HAUS6: variants seen among roughly 807,000 people sequenced by gnomAD.
HAUS6 encodes HAUS augmin-like complex subunit 6.
In HAUS6, 80 loss-of-function variants were observed where a neutral mutation model predicts 106.8. That is an observed-to-expected ratio of 0.75 (90% CI 0.63 to 0.90). The LOEUF is 0.90. Ranked by LOEUF, HAUS6 falls within the 40% of genes least tolerant of loss-of-function variation. The pLI is 0.00. For synonymous variants in HAUS6, 356 were observed against 379.1 expected, an observed-to-expected ratio of 0.94 and a Z score of 0.71; for missense variants, 1,155 against 1,118.1, an observed-to-expected ratio of 1.03 and a Z score of -0.47.
intron 2 of HAUS6, among the ~76,000 whole-genome samples, chr9:19,094,659 G>C (rs1817824017): frequency 6.6e-6 from 1 of 152,066 alleles, no homozygotes; most frequent in African/African-American, 2.4e-5. Context: ...AGGCATAGTG[G>C]TGTGCGCCTA....
chr9:19,093,763 G>T (rs1817804128), intron 3 of HAUS6, among the ~76,000 whole-genome samples: 1 of 152,236 alleles, frequency 6.6e-6, no homozygotes, highest in East Asian at 1.9e-4. Context: ...CAGCTACTCA[G>T]GAGGCTGAGA....
intron 11 of HAUS6, among the ~76,000 whole-genome samples, chr9:19,073,269 CT>C (rs1294685510): frequency 6.6e-6 from 1 of 152,022 alleles, no homozygotes; most frequent in Non-Finnish European, 1.5e-5. Flanking sequence ...ATTCTCTGTA[CT>C]TTTAAATATG....
Position 19,055,156 on chromosome 9 carries a change from T to C in HAUS6, c.*1187A>G, listed in dbSNP as rs1836441781. On this transcript the variant is annotated 3_prime_UTR_variant, in exon 17 of 17. Transcript: ENST00000380502. ...AAGAAATAACTATTAAGCCATCTAC[T>C]TCCATAAATTTCCCCTCCACCTTCT... is the stretch of plus-strand genomic sequence containing the variant. 1 of 152,250 alleles carries C rather than the reference T, an allele frequency of 6.6e-6. No homozygotes were observed. Among genetic ancestry groups the C allele is most frequent in the African/African-American group, 2.4e-5 (1 of 41,472 alleles). 9.4% of individuals were successfully genotyped at this position (152,250 alleles called of 1,614,324 possible).
At chr9:19,070,477 G>A (rs1258769845) in intron 11 of HAUS6, among the ~76,000 whole-genome samples, 177 bp from the exon 12 acceptor site, 4 of 152,172 alleles carry the variant, frequency 2.6e-5, no homozygotes, top group Non-Finnish European at 5.9e-5. Context: ...GAGCAGAAAA[G>A]TAATAGAGAA....
intron 11 of HAUS6, among the ~76,000 whole-genome samples, chr9:19,071,218 G>C (rs1217668439): frequency 6.6e-6 from 1 of 152,102 alleles, no homozygotes; most frequent in Non-Finnish European, 1.5e-5. Context: ...AGACAGACAG[G>C]TCAAAAAGCA....
At position 19,056,036 on chromosome 9, in the gene HAUS6, CACT is replaced by C. The variant is rs1346106221; in HGVS notation, c.*304_*306del. 1 of 282,530 alleles carries C rather than the reference CACT, an allele frequency of 3.5e-6. No individual in the cohort carries two copies. Among genetic ancestry groups the C allele is most frequent in the African/African-American group, 2.2e-5 (1 of 46,020 alleles). The allele number at this position is 282,530 out of a possible 1,614,324, so 17.5% of individuals were successfully genotyped here. ...AAGTTATAACATAAGAAATAAGTTA[CACT>C]ACTACTTTGTCATTCACTTAATGCT... On this transcript the variant is annotated 3_prime_UTR_variant, in exon 17 of 17. Transcript: ENST00000380502.
At chr9:19,059,201 A>T (rs912569852) in intron 15 of HAUS6, among the ~76,000 whole-genome samples, 200 bp from the exon 16 acceptor site, 2 of 152,238 alleles carry the variant, frequency 1.3e-5, no homozygotes, top group African/African-American at 4.8e-5. Flanking sequence ...GCACAAATAA[A>T]CACATATAAA....
At position 19,093,323 on chromosome 9, in the gene HAUS6, G is replaced by T; in HGVS notation, c.304-20C>A. ...TTCACCCTATGAAGAAAAGAAATAA[G>T]ATGATTTGAAGACCTTGTTAACAAT... On this transcript the variant is annotated intron_variant, in intron 3 of 16. Transcript: ENST00000380502. 6.3e-7 allele frequency: 1 copy of T among 1,585,864 alleles called. No homozygotes were observed. Among genetic ancestry groups the T allele is most frequent in the Non-Finnish European group, 8.6e-7 (1 of 1,164,974 alleles).
chr9:19,085,574 A>T (rs1206194554), intron 7 of HAUS6, among the ~76,000 whole-genome samples: 1 of 151,922 alleles, frequency 6.6e-6, no homozygotes, highest in Non-Finnish European at 1.5e-5. Context: ...TTGGCATGGC[A>T]ATCACAGAAT....
intron 12 of HAUS6, among the ~76,000 whole-genome samples, chr9:19,069,796 A>G (rs372993496): frequency 4.6e-5 from 7 of 152,208 alleles, no homozygotes; most frequent in Admixed American, 3.3e-4. Flanking sequence ...AAAAAAATCA[A>G]TATAAAAATC....
At chr9:19,072,385 C>G (rs557038111) in intron 11 of HAUS6, among the ~76,000 whole-genome samples, 2 of 151,684 alleles carry the variant, frequency 1.3e-5, no homozygotes, top group Non-Finnish European at 2.9e-5. Flanking sequence ...TGATGGCACA[C>G]GCCAGGAATC....
intron 4 of HAUS6, 120 bp downstream of exon 4, chr9:19,093,051 G>A (rs1175470921): frequency 5.8e-6 from 4 of 693,432 alleles, no homozygotes; most frequent in African/African-American, 1.8e-5. Context: ...TTCCTTTTTG[G>A]GGTACATTAA....
At chr9:19,072,190 CA>C (rs71333079) in intron 11 of HAUS6, among the ~76,000 whole-genome samples, 87 of 138,934 alleles carry the variant, frequency 6.3e-4, no homozygotes, top group Admixed American at 7.3e-4. Flanking sequence ...AACTCCCTCT[CA>C]AAAAAAAAAA....
chr9:19,094,390 CA>C lies in HAUS6; in HGVS notation c.229del (p.Cys77ValfsTer21). ...ACTTTTTTGGTCAAATGGGGGCCAA[CA>C]AAATCTGGAAAACAAAAATAAAAGC... ...QSLTKEVFKF[C>X]WPPFDQKSDT... On this transcript the variant is annotated frameshift_variant, in exon 3 of 17. Coordinates refer to ENST00000380502, the MANE Select transcript of HAUS6 (RefSeq NM_017645.5). LOFTEE classifies it high-confidence loss of function. 1.9e-6 allele frequency: 3 copies of C among 1,587,760 alleles called. No homozygotes were observed. Among genetic ancestry groups the C allele is most frequent in the Non-Finnish European group, 2.6e-6 (3 of 1,159,630 alleles).
At chr9:19,090,349 G>A (rs1817717787) in intron 4 of HAUS6, among the ~76,000 whole-genome samples, 1 of 151,952 alleles carries the variant, frequency 6.6e-6, no homozygotes, top group African/African-American at 2.4e-5. Flanking sequence ...GAGCTACTTT[G>A]CTTCCAAACA....
intron 9 of HAUS6, 138 bp downstream of exon 9, chr9:19,080,341 T>C: frequency 3.2e-6 from 2 of 617,190 alleles, no homozygotes; most frequent in Non-Finnish European, 5.8e-6. Flanking sequence ...TCTCCAAGAG[T>C]TGATTATGTA....
Position 19,092,916 on chromosome 9 carries a change from C to CAAAA in HAUS6, c.436+251_436+254dup, listed in dbSNP as rs71494998. 2.6e-3 allele frequency among the ~76,000 whole-genome samples: 200 copies of CAAAA among 76,210 alleles called. 1 individual carries two copies. Among genetic ancestry groups the CAAAA allele is most frequent in the African/African-American group, 8.2e-3 (196 of 23,822 alleles). 50.0% of individuals were successfully genotyped at this position (76,210 alleles called of 152,430 possible). A position where few individuals can be genotyped will look rare whatever the true frequency, so the allele number is the denominator to read the frequency against. On this transcript the variant is annotated intron_variant, in intron 4 of 16. Transcript: ENST00000380502. ...CTCCAGCTTGAGCGAAACTGTGTCT[C>CAAAA]AAAAAAAAAAAAAAAAAGAAATGTT...
intron 12 of HAUS6, among the ~76,000 whole-genome samples, chr9:19,067,234 C>T (rs150427940): frequency 2.0e-5 from 3 of 152,248 alleles, no homozygotes; most frequent in African/African-American, 7.2e-5. Flanking sequence ...AGTGTAATTG[C>T]TGAACTACAT....
chr9:19,067,259 AT>A (rs1836780160), intron 12 of HAUS6, among the ~76,000 whole-genome samples: 2 of 152,246 alleles, frequency 1.3e-5, no homozygotes, highest in African/African-American at 4.8e-5. Flanking sequence ...AAAAGGTATT[AT>A]CTTCTTTCAT....
Sources: gnomAD v4.1 joint callset for allele counts (sites outside exome capture counted in the v4.1 genomes callset) on GRCh38, gnomAD v4.1.1 for gene constraint, MANE v1.5 for transcripts, NCBI Gene and HGNC (gene_info 2026-07-23, HGNC 2026-07-21) for gene names.